MAPDA: variants seen among roughly 807,000 people sequenced by gnomAD.
The protein encoded by MAPDA is N6-Methyl-AMP deaminase, also known as N6,N6-dimethyl-AMP deaminase.
At chr15:43,347,394 A>T in the MAPDA span, among the ~76,000 whole-genome samples, 1 of 152,060 alleles carries the variant, frequency 6.6e-6, no homozygotes, top group Non-Finnish European at 1.5e-5. Flanking sequence ...CAGTCTTGTC[A>T]TTGGCAAGCT....
chr15:43,352,232 T>G, the MAPDA span: 1 of 287,580 alleles, frequency 3.5e-6, no homozygotes, highest in Admixed American at 5.0e-5. Context: ...GATCATAAAA[T>G]TTCAGGGAAA....
the MAPDA span, among the ~76,000 whole-genome samples, chr15:43,334,661 A>ATATT: frequency 8.5e-6 from 1 of 117,106 alleles, no homozygotes. Flanking sequence ...ATATATATAT[A>ATATT]TATTTTATCC....
At chr15:43,352,547 A>G in the MAPDA span, 2 of 152,204 alleles carry the variant, frequency 1.3e-5, no homozygotes, top group African/African-American at 2.4e-5. Context: ...AAAAAAACAA[A>G]AAACCGGAAA....
chr15:43,348,184 C>T, the MAPDA span, among the ~76,000 whole-genome samples: 8 of 152,286 alleles, frequency 5.3e-5, no homozygotes, highest in Admixed American at 3.9e-4. Flanking sequence ...CACAGCCAGA[C>T]ATTTTCATGG....
chr15:43,346,115 T>G, the MAPDA span: 2 of 1,201,814 alleles, frequency 1.7e-6, no homozygotes, highest in South Asian at 3.0e-5. Flanking sequence ...AGGCCTGTTC[T>G]GCCCTGGATG....
chr15:43,351,096 A>G, the MAPDA span: 7 of 1,473,374 alleles, frequency 4.8e-6, no homozygotes, highest in African/African-American at 9.8e-5. Flanking sequence ...AGTTGCATTA[A>G]TTCAGATGTT....
the MAPDA span, among the ~76,000 whole-genome samples, chr15:43,334,663 A>ATATATATATATATATATATATATATT: frequency 3.2e-5 from 4 of 125,364 alleles, no homozygotes; most frequent in Non-Finnish European, 6.8e-5. Flanking sequence ...ATATATATAT[A>ATATATATATATATATATATATATATT]TTTTATCCAA....
At chr15:43,352,539 A>G in the MAPDA span, 1 of 152,182 alleles carries the variant, frequency 6.6e-6, no homozygotes, top group African/African-American at 2.4e-5. Flanking sequence ...ACAAAAACAA[A>G]AAAACAAAAA....
At chr15:43,334,659 A>ATATATATATATATATATATG in the MAPDA span, among the ~76,000 whole-genome samples, 3 of 109,446 alleles carry the variant, frequency 2.7e-5, no homozygotes, top group Non-Finnish European at 5.5e-5. Context: ...ATATATATAT[A>ATATATATATATATATATATG]TATATTTTAT....
At chr15:43,334,837 G>A in the MAPDA span, 1 of 338,566 alleles carries the variant, frequency 3.0e-6, no homozygotes, top group African/African-American at 2.2e-5. Context: ...TCCCACCTTA[G>A]ACACACTTAA....
chr15:43,335,062 C>T, the MAPDA span: 1 of 1,571,400 alleles, frequency 6.4e-7, no homozygotes, highest in Admixed American at 1.7e-5. Flanking sequence ...TCATATTGCT[C>T]ATACTAAGAA....
chr15:43,341,482 C>G, the MAPDA span, among the ~76,000 whole-genome samples: 1 of 152,180 alleles, frequency 6.6e-6, no homozygotes, highest in Non-Finnish European at 1.5e-5. Flanking sequence ...GGGAAATACT[C>G]GGACTCATGT....
the MAPDA span, among the ~76,000 whole-genome samples, chr15:43,339,430 G>A: frequency 6.6e-6 from 1 of 152,312 alleles, no homozygotes; most frequent in African/African-American, 2.4e-5. Context: ...AATTCACCAA[G>A]GTAGTGCCAT....
chr15:43,330,618 C>T, the MAPDA span: 1 of 1,115,404 alleles, frequency 9.0e-7, no homozygotes, highest in Non-Finnish European at 1.2e-6. Flanking sequence ...TCCGCCGGCA[C>T]TTGTGCGTCA....
the MAPDA span, among the ~76,000 whole-genome samples, chr15:43,337,700 TA>T: frequency 6.6e-6 from 1 of 152,228 alleles, no homozygotes. Context: ...TCCTCTTTGG[TA>T]AAGACTGATC....
chr15:43,330,765 G>T, the MAPDA span: 5 of 367,374 alleles, frequency 1.4e-5, no homozygotes, highest in Non-Finnish European at 2.5e-5. Context: ...GCTGTGACAT[G>T]AGTGTTAGGG....
chr15:43,337,558 A>G, the MAPDA span, among the ~76,000 whole-genome samples: 1 of 152,192 alleles, frequency 6.6e-6, no homozygotes, highest in African/African-American at 2.4e-5. Flanking sequence ...CTAGGATGGC[A>G]TTTTAAAATG....
At chr15:43,330,603 C>T in the MAPDA span, 1 of 1,230,038 alleles carries the variant, frequency 8.1e-7, no homozygotes, top group Non-Finnish European at 1.1e-6. Context: ...TCCTGGACTT[C>T]CCCTTCCGCC....
At chr15:43,339,326 A>G in the MAPDA span, among the ~76,000 whole-genome samples, 2 of 152,194 alleles carry the variant, frequency 1.3e-5, no homozygotes, top group African/African-American at 4.8e-5. Context: ...TCTTGATGAA[A>G]CTGAGCTACC....
Sources: allele counts gnomAD v4.1 joint callset (sites outside exome capture counted in the v4.1 genomes callset), GRCh38; gene constraint gnomAD v4.1.1; transcripts MANE v1.5; gene names NCBI Gene and HGNC (gene_info 2026-07-23, HGNC 2026-07-21).